Variants in PAK1 observed in about 807,000 individuals in gnomAD.
The protein encoded by PAK1 is serine/threonine-protein kinase PAK 1.
Under a neutral mutation model 67.4 loss-of-function variants are expected in PAK1, and 29 were observed. The ratio of observed to expected loss-of-function variants is 0.43; its 90% CI spans 0.32 to 0.59. The LOEUF (loss-of-function observed/expected upper bound fraction) is 0.59. PAK1 is among the 20% of genes least tolerant of loss of function. The pLI is 0.07. For synonymous variants in PAK1, 223 were observed against 237.4 expected, an observed-to-expected ratio of 0.94 and a Z score of 0.56; for missense variants, 337 against 670.7, an observed-to-expected ratio of 0.50 and a Z score of 5.50.
Position 77,433,694 on chromosome 11 carries a change from G to A in PAK1, c.-22+39858C>T, listed in dbSNP as rs1242807536. ...CTGGAGAGGCTGAGGCAGGAGAATC[G>A]CTTGAACACGGGAGACAGAGGTTGC... is the stretch of plus-strand genomic sequence containing the variant. On this transcript the variant is annotated intron_variant, in intron 1 of 14. Coordinates refer to ENST00000356341, the MANE Select transcript of PAK1 (RefSeq NM_002576.5). Among the ~76,000 whole-genome samples the A allele has an allele frequency of 3.3e-5, 5 of 152,164 alleles. No homozygotes were observed. The South Asian group carries it at 6.2e-4, about 19-fold the overall frequency.
intron 1 of PAK1, among the ~76,000 whole-genome samples, chr11:77,427,659 TG>T (rs1275622047): frequency 1.3e-5 from 2 of 152,116 alleles, no homozygotes; most frequent in Non-Finnish European, 2.9e-5. Context: ...TGCAATGCCC[TG>T]TGTTGAGTGC....
chr11:77,433,446 G>A (rs1038912162), intron 1 of PAK1, among the ~76,000 whole-genome samples: 13 of 152,152 alleles, frequency 8.5e-5, no homozygotes, highest in African/African-American at 3.1e-4. Flanking sequence ...TATTTGATAG[G>A]AGACTTGTAT....
the PAK1 span, among the ~76,000 whole-genome samples, chr11:77,480,294 T>TAAA: frequency 2.7e-5 from 4 of 150,808 alleles, no homozygotes; most frequent in African/African-American, 9.8e-5. Context: ...CTTTTTTTTT[T>TAAA]AAAAAAAGTA....
At chr11:77,392,158 A>G (rs971004683) in intron 2 of PAK1, among the ~76,000 whole-genome samples, 173 bp downstream of exon 2, 1 of 152,024 alleles carries the variant, frequency 6.6e-6, no homozygotes, top group African/African-American at 2.4e-5. Context: ...AGAGTATAAA[A>G]ATAGGTCTAT....
chr11:77,413,931 T>C (rs776865991), intron 1 of PAK1, among the ~76,000 whole-genome samples: 13 of 152,302 alleles, frequency 8.5e-5, no homozygotes, highest in Non-Finnish European at 7.4e-5. Context: ...GCAATAATCA[T>C]AGCAACTTAT....
chr11:77,392,716 T>TA (rs1459914415), intron 1 of PAK1, among the ~76,000 whole-genome samples, 175 bp from the exon 2 acceptor site: 8 of 152,332 alleles, frequency 5.3e-5, no homozygotes, highest in African/African-American at 1.9e-4. Context: ...ATGCCTACTA[T>TA]ATGCCAAGCA....
At chr11:77,366,426 A>G (rs1326232561) in intron 5 of PAK1, among the ~76,000 whole-genome samples, 1 of 152,234 alleles carries the variant, frequency 6.6e-6, no homozygotes, top group East Asian at 1.9e-4. Flanking sequence ...GCACACACAC[A>G]TATACACATA....
intron 6 of PAK1, 130 bp downstream of exon 6, chr11:77,358,768 G>T: frequency 2.4e-6 from 2 of 846,890 alleles, no homozygotes; most frequent in Non-Finnish European, 1.9e-6. Flanking sequence ...AGGTAGTTCA[G>T]TGATTTCACC....
At position 77,349,424 on chromosome 11, in the gene PAK1, C is replaced by T. The variant is rs148430426; in HGVS notation, c.837-137G>A. The T allele has an allele frequency of 1.7e-3, 1,201 of 706,496 alleles. 16 individuals carry two copies. In the African/African-American group the frequency reaches 0.019, roughly 11 times the overall value. The allele number at this position is 706,496 out of a possible 1,614,324, so 43.8% of individuals were successfully genotyped here. ...AAAAATAATCCTCTCCCTGCAGCAT[C>T]CATTCTCACATTTAAGAAGCTATAA... On this transcript the variant is annotated intron_variant, in intron 8 of 14. Transcript: ENST00000356341.
intron 1 of PAK1, among the ~76,000 whole-genome samples, chr11:77,438,243 GC>G (rs1956213595): frequency 6.6e-6 from 1 of 152,086 alleles, no homozygotes; most frequent in African/African-American, 2.4e-5. Flanking sequence ...TGCAAGAGGT[GC>G]CACACACTTT....
chr11:77,451,607 G>GTT (rs529125254), intron 1 of PAK1, among the ~76,000 whole-genome samples: 4 of 133,540 alleles, frequency 3.0e-5, no homozygotes, highest in African/African-American at 1.2e-4. Context: ...GTTTTTTTTT[G>GTT]TTTTTTTTTT....
At chr11:77,375,938 C>A (rs1362103493) in intron 4 of PAK1, among the ~76,000 whole-genome samples, 1 of 152,050 alleles carries the variant, frequency 6.6e-6, no homozygotes, top group Non-Finnish European at 1.5e-5. Flanking sequence ...AATCATGAAC[C>A]CACAAAGCAG....
chr11:77,403,406 C>A (rs1351809993), intron 1 of PAK1, among the ~76,000 whole-genome samples: 5 of 152,196 alleles, frequency 3.3e-5, no homozygotes, highest in African/African-American at 1.2e-4. Context: ...AGCCAATACT[C>A]TCATGATTAC....
At chr11:77,507,898 G>A in the PAK1 span, among the ~76,000 whole-genome samples, 1 of 152,106 alleles carries the variant, frequency 6.6e-6, no homozygotes, top group Non-Finnish European at 1.5e-5. Flanking sequence ...ATAATCTCAA[G>A]AGTATATAAT....
At chr11:77,522,298 A>G in the PAK1 span, among the ~76,000 whole-genome samples, 1 of 152,114 alleles carries the variant, frequency 6.6e-6, no homozygotes, top group East Asian at 1.9e-4. Flanking sequence ...AACATTCTTT[A>G]CTCACCACAG....
chr11:77,441,317 C>A (rs1956346922), intron 1 of PAK1, among the ~76,000 whole-genome samples: 1 of 152,164 alleles, frequency 6.6e-6, no homozygotes, highest in Non-Finnish European at 1.5e-5. Context: ...AATCCCATAC[C>A]CCTTGGGCTA....
the PAK1 span, among the ~76,000 whole-genome samples, chr11:77,483,483 G>A: frequency 6.6e-6 from 1 of 152,192 alleles, no homozygotes; most frequent in African/African-American, 2.4e-5. Context: ...CCATTTACAT[G>A]AAATTTCTTT....
chr11:77,429,083 AAAAAAAAAAAACAC>A (rs1955731445), intron 1 of PAK1, among the ~76,000 whole-genome samples: 1 of 90,740 alleles, frequency 1.1e-5, no homozygotes, highest in African/African-American at 5.2e-5. Flanking sequence ...AAAAAAAAAA[AAAAAAAAAAAACAC>A]ACACACACAC....
the PAK1 span, among the ~76,000 whole-genome samples, chr11:77,503,467 G>A: frequency 6.6e-6 from 1 of 152,200 alleles, no homozygotes; most frequent in East Asian, 1.9e-4. Flanking sequence ...TTGGTCTCAG[G>A]ACCTTTTTAC....
Sources: allele counts gnomAD v4.1 joint callset (sites outside exome capture counted in the v4.1 genomes callset), GRCh38; gene constraint gnomAD v4.1.1; transcripts MANE v1.5; gene names NCBI Gene and HGNC (gene_info 2026-07-23, HGNC 2026-07-21).